ZNF609: variants seen among roughly 807,000 people sequenced by gnomAD.
ZNF609 encodes zinc finger protein 609.
In ZNF609, 11 loss-of-function variants were observed where a neutral mutation model predicts 109.5. The ratio of observed to expected loss-of-function variants is 0.10; its 90% CI spans 0.06 to 0.17. ZNF609 has a LOEUF of 0.17. Among genes scored for constraint, ZNF609 ranks in the 10% least tolerant of loss-of-function variants. The probability of loss-of-function intolerance (pLI) is 1.00; values close to 1 mark genes in which losing one functional copy is unlikely to be tolerated. For missense variants in ZNF609, 1,559 were observed against 1,772.4 expected (o/e 0.88, Z 2.16); for synonymous variants, 646 against 662.0 (o/e 0.98, Z 0.37).
At chr15:64,649,565 G>T (rs1180595618) in intron 3 of ZNF609, among the ~76,000 whole-genome samples, 1 of 152,178 alleles carries the variant, frequency 6.6e-6, no homozygotes, top group Non-Finnish European at 1.5e-5. Context: ...ATGAGATCTG[G>T]TGCCACTCCA....
intron 3 of ZNF609, among the ~76,000 whole-genome samples, chr15:64,643,297 A>G (rs573943357): frequency 1.3e-5 from 2 of 152,212 alleles, no homozygotes; most frequent in Non-Finnish European, 2.9e-5. Flanking sequence ...ACTATAATTT[A>G]TTTACTTTCA....
chr15:64,551,186 T>C (rs1386191134), intron 2 of ZNF609, among the ~76,000 whole-genome samples: 1 of 152,124 alleles, frequency 6.6e-6, no homozygotes, highest in East Asian at 1.9e-4. Flanking sequence ...CTCCTGAATA[T>C]CTGGGACTAT....
intron 2 of ZNF609, among the ~76,000 whole-genome samples, chr15:64,540,864 C>T (rs1211480583): frequency 6.7e-6 from 1 of 148,740 alleles, no homozygotes; most frequent in Non-Finnish European, 1.5e-5. Flanking sequence ...CCTGTCTCTA[C>T]TAAAAATACA....
chr15:64,605,037 TAGCC>T (rs1248487993), intron 2 of ZNF609, among the ~76,000 whole-genome samples: 1 of 152,102 alleles, frequency 6.6e-6, no homozygotes, highest in Admixed American at 6.6e-5. Flanking sequence ...TTCACTGTGT[TAGCC>T]AGGATGGTCT....
intron 3 of ZNF609, among the ~76,000 whole-genome samples, chr15:64,659,612 C>T (rs565395890): frequency 6.8e-4 from 104 of 152,142 alleles, no homozygotes; most frequent in African/African-American, 2.5e-3. Context: ...GTAGTTTGGT[C>T]TCAATTAAAG....
At chr15:64,486,331 C>T (rs1893332618) in intron 1 of ZNF609, among the ~76,000 whole-genome samples, 2 of 152,076 alleles carry the variant, frequency 1.3e-5, no homozygotes, top group Non-Finnish European at 2.9e-5. Flanking sequence ...CGAGACAAGC[C>T]TACCCAACAT....
intron 2 of ZNF609, among the ~76,000 whole-genome samples, chr15:64,573,097 A>T (rs777365973): frequency 6.6e-6 from 1 of 152,144 alleles, no homozygotes; most frequent in Non-Finnish European, 1.5e-5. Context: ...AACAGTGCCA[A>T]CGTGTAGCAG....
chr15:64,597,972 AAG>A (rs755220878), intron 2 of ZNF609, among the ~76,000 whole-genome samples: 35 of 152,360 alleles, frequency 2.3e-4, no homozygotes, highest in South Asian at 8.3e-4. Context: ...TCAAAATAAA[AAG>A]AGCATTTTAA....
At chr15:64,631,335 C>G in intron 3 of ZNF609, 2 of 709,432 alleles carry the variant, frequency 2.8e-6, no homozygotes, top group Non-Finnish European at 5.2e-6. Context: ...CATTAATTCT[C>G]TTGGCAAGAA....
intron 2 of ZNF609, among the ~76,000 whole-genome samples, chr15:64,513,998 G>A (rs538540844): frequency 3.3e-5 from 5 of 151,738 alleles, no homozygotes; most frequent in Middle Eastern, 3.4e-3. Flanking sequence ...AGGCTGAGGC[G>A]GAAGGATCAC....
chr15:64,673,414 A>T (rs1211271089), intron 4 of ZNF609, among the ~76,000 whole-genome samples: 2 of 152,154 alleles, frequency 1.3e-5, no homozygotes, highest in South Asian at 4.1e-4. Flanking sequence ...CAAAGAACTC[A>T]TGTACTCTTG....
At chr15:64,545,197 G>T (rs914624886) in intron 2 of ZNF609, among the ~76,000 whole-genome samples, 1 of 151,500 alleles carries the variant, frequency 6.6e-6, no homozygotes, top group African/African-American at 2.4e-5. Context: ...CAGTATACAG[G>T]ATTTTTTTTT....
At chr15:64,663,927 CCTAAGAACTGT>C (rs997619336) in intron 3 of ZNF609, among the ~76,000 whole-genome samples, 4 of 152,144 alleles carry the variant, frequency 2.6e-5, no homozygotes, top group Admixed American at 2.6e-4. Context: ...GCATTTCACT[CCTAAGAACTGT>C]GGGAACCTGG....
chr15:64,551,013 A>G lies in ZNF609; in HGVS notation c.747+50847A>G, dbSNP rs536772176. Among the ~76,000 whole-genome samples the G allele has an allele frequency of 8.5e-5, 13 of 152,228 alleles. No individual in the cohort carries two copies. In the East Asian group the frequency reaches 1.9e-3, roughly 23 times the overall value. On this transcript the variant is annotated intron_variant, in intron 2 of 9. Transcript: ENST00000326648. Reference sequence around the variant, plus strand: ...TAGTCAAGAAATCACTGCCAATCCAATGTCAGGAAGCTTTTCCTGTATGTT... The same window carrying G: ...TAGTCAAGAAATCACTGCCAATCCAGTGTCAGGAAGCTTTTCCTGTATGTT...
intron 2 of ZNF609, chr15:64,500,502 CTTTA>C (rs1229693867): frequency 2.6e-5 from 16 of 616,564 alleles, no homozygotes; most frequent in Non-Finnish European, 2.9e-5. Context: ...GGCATCAGAC[CTTTA>C]TTTGTTTCCC....
chr15:64,676,380 T>G, intron 5 of ZNF609, 124 bp downstream of exon 5: 2 of 814,406 alleles, frequency 2.5e-6, no homozygotes, highest in Non-Finnish European at 3.7e-6. Flanking sequence ...ATGTATAATT[T>G]TAAGGATTCT....
At chr15:64,541,116 T>C (rs1255282112) in intron 2 of ZNF609, among the ~76,000 whole-genome samples, 1 of 148,708 alleles carries the variant, frequency 6.7e-6, no homozygotes, top group Non-Finnish European at 1.5e-5. Flanking sequence ...ATAGGAAATA[T>C]GGAAAAGCAG....
chr15:64,490,196 C>T (rs190714273), intron 1 of ZNF609, among the ~76,000 whole-genome samples: 9 of 151,268 alleles, frequency 5.9e-5, no homozygotes, highest in South Asian at 2.1e-4. Context: ...CTCCTGGGCT[C>T]GAGTAATCCT....
intron 4 of ZNF609, among the ~76,000 whole-genome samples, chr15:64,672,310 C>A (rs1376313534): frequency 6.7e-6 from 1 of 149,884 alleles, no homozygotes; most frequent in Non-Finnish European, 1.5e-5. Context: ...CCGCACCCAG[C>A]CCAAGGCTTA....
Sources: gnomAD v4.1 joint callset for allele counts (sites outside exome capture counted in the v4.1 genomes callset) on GRCh38, gnomAD v4.1.1 for gene constraint, MANE v1.5 for transcripts, NCBI Gene and HGNC (gene_info 2026-07-23, HGNC 2026-07-21) for gene names.